The following PLXNA2 variants were observed in gnomAD, a reference collection of about 807,000 sequenced individuals.
The protein encoded by PLXNA2 is plexin A2, also known as plexin-A2.
In PLXNA2, 91 loss-of-function variants were observed where a neutral mutation model predicts 193.5. The observed-to-expected ratio is 0.47, with a 90% CI of 0.40 to 0.56. PLXNA2 has a LOEUF of 0.56. Among genes scored for constraint, PLXNA2 ranks in the 20% least tolerant of loss-of-function variants. The pLI is 0.00. For synonymous variants in PLXNA2, 997 were observed against 1,027.3 expected, an observed-to-expected ratio of 0.97 and a Z score of 0.56; for missense variants, 1,995 against 2,503.2, an observed-to-expected ratio of 0.80 and a Z score of 4.33.
chr1:208,035,595 G>A (rs559001816), intron 26 of PLXNA2, among the ~76,000 whole-genome samples: 1 of 152,318 alleles, frequency 6.6e-6, no homozygotes, highest in South Asian at 2.1e-4. Context: ...AGTAAAAACA[G>A]AGAATCCCCA....
At position 208,027,114 on chromosome 1, in the gene PLXNA2, T is replaced by G. The variant is rs1332869408; in HGVS notation, c.*129A>C. 1.2e-6 allele frequency: 1 copy of G among 832,388 alleles called. No individual in the cohort carries two copies. The highest frequency in any genetic ancestry group is 1.9e-6 in the Non-Finnish European group (1 of 518,644). The allele number at this position is 832,388 out of a possible 1,614,324, so 51.6% of individuals were successfully genotyped here. On this transcript the variant is annotated 3_prime_UTR_variant, in exon 32 of 32. Transcript: ENST00000367033. ...GCGTAGGGAGAGGAGTCCTCCCCTC[T>G]CCCCAGGATGGGGTCTCAGGGGACA...
At chr1:208,153,724 G>T (rs894819043) in intron 3 of PLXNA2, among the ~76,000 whole-genome samples, 3 of 152,236 alleles carry the variant, frequency 2.0e-5, no homozygotes, top group Non-Finnish European at 2.9e-5. Flanking sequence ...GGTAAGAGGA[G>T]AAGGGAGGGA....
rs147263952 is a variant in PLXNA2, at chr1:208,236,155, C to T, written c.-81+7488G>A. ...TCACGAGGGGCCTCCTGCCTGTGGA[C>T]GGGGAAGGAGCCTGGGTCTTCCTGT... On this transcript the variant is annotated intron_variant, in intron 1 of 31. Coordinates refer to ENST00000367033, the MANE Select transcript of PLXNA2 (RefSeq NM_025179.4). This position sits in a 1 kb window ranked among gnomAD's most constrained non-coding sequence, Gnocchi z 4.4. 2.2e-4 allele frequency among the ~76,000 whole-genome samples: 33 copies of T among 152,192 alleles called. No individual in the cohort carries two copies. The highest frequency in any genetic ancestry group is 6.2e-4 in the South Asian group (3 of 4,810).
rs547621714 is a variant in PLXNA2, at chr1:208,240,985, A to G, written c.-81+2658T>C. ...TCATAGAAAATGAGGTAGGATAGAA[A>G]CTATAAAACCCCCAAACAGTGACAA... On this transcript the variant is annotated intron_variant, in intron 1 of 31. Coordinates refer to ENST00000367033, the MANE Select transcript of PLXNA2 (RefSeq NM_025179.4). 7.2e-5 allele frequency among the ~76,000 whole-genome samples: 11 copies of G among 152,264 alleles called. No individual in the cohort carries two copies. In the South Asian group the frequency reaches 1.9e-3, roughly 26 times the overall value.
chr1:208,140,841 CTT>C (rs1269233692), intron 4 of PLXNA2, among the ~76,000 whole-genome samples: 1 of 152,248 alleles, frequency 6.6e-6, no homozygotes, highest in East Asian at 1.9e-4. Flanking sequence ...CTGTCTCTCT[CTT>C]GTTAGATTGC....
intron 12 of PLXNA2, among the ~76,000 whole-genome samples, chr1:208,061,041 C>T (rs965323554): frequency 1.3e-5 from 2 of 152,078 alleles, no homozygotes; most frequent in Non-Finnish European, 2.9e-5. Context: ...ACTGCTTCCT[C>T]GGTTCTTTAA....
chr1:208,140,432 T>C lies in PLXNA2; in HGVS notation c.1506+1897A>G, dbSNP rs1037369603. 5.9e-5 allele frequency among the ~76,000 whole-genome samples: 9 copies of C among 152,318 alleles called. No homozygotes were observed. In the East Asian group the frequency reaches 1.7e-3, roughly 29 times the overall value. On this transcript the variant is annotated intron_variant, in intron 4 of 31. Coordinates refer to ENST00000367033, the MANE Select transcript of PLXNA2 (RefSeq NM_025179.4). Reference sequence around the variant, plus strand: ...CTTCTTCCTTCCCACTTTGCTGGGCTCAGAGAATCTAAGAAAGAGCTCTTA... The same window carrying C: ...CTTCTTCCTTCCCACTTTGCTGGGCCCAGAGAATCTAAGAAAGAGCTCTTA...
Position 208,026,230 on chromosome 1 carries a change from G to A in PLXNA2, c.*1013C>T, listed in dbSNP as rs1664338727. The A allele has an allele frequency of 6.6e-6, 1 of 152,326 alleles. No individual in the cohort carries two copies. The highest frequency in any genetic ancestry group is 2.4e-5 in the African/African-American group (1 of 41,452). 9.4% of individuals were successfully genotyped at this position (152,326 alleles called of 1,614,324 possible). ...CACCTCCAGGCCGTTTCCCCAGGGT[G>A]CCTGGTTTATGACAGGGATTGATAT... On this transcript the variant is annotated 3_prime_UTR_variant, in exon 32 of 32. Coordinates refer to ENST00000367033, the MANE Select transcript of PLXNA2 (RefSeq NM_025179.4).
At chr1:208,121,352 G>A (rs1362600132) in intron 4 of PLXNA2, among the ~76,000 whole-genome samples, 1 of 152,138 alleles carries the variant, frequency 6.6e-6, no homozygotes, top group Non-Finnish European at 1.5e-5. Flanking sequence ...AGATGGTTAG[G>A]TTTCCACTCA....
intron 3 of PLXNA2, among the ~76,000 whole-genome samples, chr1:208,199,097 G>A (rs575363285): frequency 2.6e-5 from 4 of 152,312 alleles, no homozygotes; most frequent in South Asian, 2.1e-4. Context: ...GAAGACTAAC[G>A]TGTAAGACTT....
At position 208,046,133 on chromosome 1, in the gene PLXNA2, C is replaced by T. The variant is rs561418204; in HGVS notation, c.3256-16G>A. The T allele has an allele frequency of 3.1e-5, 50 of 1,608,882 alleles. No individual in the cohort carries two copies. Among genetic ancestry groups the T allele is most frequent in the South Asian group, 6.6e-5 (6 of 90,760 alleles). On this transcript the variant is annotated splice_polypyrimidine_tract_variant and intron_variant, in intron 17 of 31. Coordinates refer to ENST00000367033, the MANE Select transcript of PLXNA2 (RefSeq NM_025179.4). Reference sequence around the variant, plus strand: ...CTTTACACACCTAAGAGATCCAGAGCGCAGCATTCACACACGGAGTGCCTG... The same window carrying T: ...CTTTACACACCTAAGAGATCCAGAGTGCAGCATTCACACACGGAGTGCCTG...
intron 3 of PLXNA2, among the ~76,000 whole-genome samples, chr1:208,162,176 C>T (rs1225444086): frequency 2.6e-5 from 4 of 152,172 alleles, no homozygotes; most frequent in South Asian, 2.1e-4. Flanking sequence ...TTAGGAAAGG[C>T]CAAAGGGCTC....
At chr1:208,203,202 T>C (rs577799338) in intron 3 of PLXNA2, among the ~76,000 whole-genome samples, 1 of 152,302 alleles carries the variant, frequency 6.6e-6, no homozygotes, top group East Asian at 1.9e-4. Context: ...AAGAGGCCTA[T>C]AGAACAACAA....
At chr1:208,195,845 CTCTG>C (rs1670340977) in intron 3 of PLXNA2, among the ~76,000 whole-genome samples, 1 of 152,014 alleles carries the variant, frequency 6.6e-6, no homozygotes, top group South Asian at 2.1e-4. Context: ...TCCTTCATTT[CTCTG>C]TCTATGACCA....
chr1:208,039,599 C>T, intron 24 of PLXNA2, 22 bp downstream of exon 24: 2 of 1,612,512 alleles, frequency 1.2e-6, no homozygotes, highest in Non-Finnish European at 1.7e-6. Context: ...ACAGGCGGGC[C>T]CGGAGCTTCC....
chr1:208,131,799 A>G lies in PLXNA2; in HGVS notation c.1506+10530T>C, dbSNP rs575307425. On this transcript the variant is annotated intron_variant, in intron 4 of 31. Transcript: ENST00000367033. The stretch of plus-strand genomic sequence containing the variant: ...ATGGGGGTAAGAAAATATGCAGAGG[A>G]GTCATGATGTCTCCCGCTGGGGTCT... Among the ~76,000 whole-genome samples the G allele has an allele frequency of 9.1e-4, 139 of 152,234 alleles. 3 individuals are homozygous for G. In the South Asian group the frequency reaches 0.02, roughly 21 times the overall value.
Position 208,065,810 on chromosome 1 carries a change from G to A in PLXNA2, c.2587-4973C>T, listed in dbSNP as rs116671966. ...CCCTGCACAGAAGCAGATTCAGAGC[G>A]AGACATCATCCTTTCACCCAAAATA... On this transcript the variant is annotated intron_variant, in intron 12 of 31. Coordinates refer to ENST00000367033, the MANE Select transcript of PLXNA2 (RefSeq NM_025179.4). 7.1e-3 allele frequency among the ~76,000 whole-genome samples: 1,082 copies of A among 152,282 alleles called. 9 individuals carry two copies. Among genetic ancestry groups the A allele is most frequent in the African/African-American group, 0.025 (1,039 of 41,562 alleles).
At chr1:208,066,973 T>A (rs1665817367) in intron 12 of PLXNA2, among the ~76,000 whole-genome samples, 1 of 152,226 alleles carries the variant, frequency 6.6e-6, no homozygotes, top group Non-Finnish European at 1.5e-5. Context: ...TTTGTACAGC[T>A]GTACAATGTA....
At chr1:208,175,002 G>A (rs911721890) in intron 3 of PLXNA2, among the ~76,000 whole-genome samples, 1 of 152,192 alleles carries the variant, frequency 6.6e-6, no homozygotes, top group Non-Finnish European at 1.5e-5. Context: ...CTGCCTCTGG[G>A]GGAGCTGGGA....
Sources: gnomAD v4.1 joint callset for allele counts (sites outside exome capture counted in the v4.1 genomes callset) on GRCh38, gnomAD v4.1.1 for gene constraint, Gnocchi (gnomAD v3.1) non-coding constraint, MANE v1.5 for transcripts, NCBI Gene and HGNC (gene_info 2026-07-23, HGNC 2026-07-21) for gene names.